Variants in CTIF observed in about 807,000 individuals in gnomAD.
CTIF encodes the protein CBP80/20-dependent translation initiation factor.
Under a neutral mutation model 66.0 loss-of-function variants are expected in CTIF, and 21 were observed. That is an observed-to-expected ratio of 0.32 (90% CI 0.23 to 0.46). The LOEUF (loss-of-function observed/expected upper bound fraction) is 0.46. Ranked by LOEUF, CTIF falls within the 20% of genes least tolerant of loss-of-function variation. The pLI is 1.00. For synonymous variants in CTIF, 345 were observed against 326.4 expected, an observed-to-expected ratio of 1.06 and a Z score of -0.62; for missense variants, 739 against 812.7, an observed-to-expected ratio of 0.91 and a Z score of 1.10.
intron 3 of CTIF, among the ~76,000 whole-genome samples, chr18:48,642,203 G>A (rs1404019914): frequency 6.6e-6 from 1 of 152,166 alleles, no homozygotes; most frequent in East Asian, 1.9e-4. Flanking sequence ...ATCACTGCCA[G>A]TTTGTAGGGT....
At chr18:48,812,448 T>C (rs150793628) in intron 9 of CTIF, among the ~76,000 whole-genome samples, 2 of 152,274 alleles carry the variant, frequency 1.3e-5, no homozygotes, top group East Asian at 3.9e-4. Context: ...TAACCTCAAA[T>C]AAAGAAGTAT....
chr18:48,794,476 G>T (rs946817155), intron 9 of CTIF, among the ~76,000 whole-genome samples: 1 of 152,192 alleles, frequency 6.6e-6, no homozygotes, highest in African/African-American at 2.4e-5. Context: ...TCTTGGGGCC[G>T]GGGGAGGGGT....
At chr18:48,612,959 G>C (rs1024980461) in intron 1 of CTIF, among the ~76,000 whole-genome samples, 1 of 152,280 alleles carries the variant, frequency 6.6e-6, no homozygotes, top group East Asian at 1.9e-4. Flanking sequence ...TGCTGGGGGT[G>C]GAGAGGAAAG....
chr18:48,670,091 T>C (rs1008158711), intron 5 of CTIF, among the ~76,000 whole-genome samples: 2 of 151,788 alleles, frequency 1.3e-5, no homozygotes, highest in African/African-American at 4.8e-5. Context: ...GAGTCTGGTT[T>C]CGGAATCTGC....
chr18:48,818,518 C>A (rs576752043), intron 10 of CTIF, among the ~76,000 whole-genome samples: 2 of 152,064 alleles, frequency 1.3e-5, no homozygotes, highest in African/African-American at 4.8e-5. Flanking sequence ...GGAGGTTGGC[C>A]GGGTGGAAGG....
chr18:48,658,916 G>A (rs1325045861), intron 3 of CTIF, among the ~76,000 whole-genome samples: 1 of 152,124 alleles, frequency 6.6e-6, no homozygotes, highest in East Asian at 1.9e-4. Flanking sequence ...TGGTTGTCCA[G>A]TTTAGCTTGG....
intron 1 of CTIF, among the ~76,000 whole-genome samples, chr18:48,562,745 A>G (rs1464025941): frequency 6.6e-6 from 1 of 152,202 alleles, no homozygotes; most frequent in Non-Finnish European, 1.5e-5. Context: ...ATCGAGCATG[A>G]TCATAATTAT....
intron 9 of CTIF, among the ~76,000 whole-genome samples, chr18:48,791,604 T>G (rs997385105): frequency 6.7e-6 from 1 of 149,716 alleles, no homozygotes; most frequent in African/African-American, 2.4e-5. Flanking sequence ...TGCCTGTGGC[T>G]TGCCCAGAGA....
intron 1 of CTIF, among the ~76,000 whole-genome samples, chr18:48,595,125 C>T (rs926252538): frequency 1.3e-5 from 2 of 152,192 alleles, no homozygotes; most frequent in African/African-American, 2.4e-5. Flanking sequence ...AGGAAATGGA[C>T]CCCCGAGCCT....
intron 10 of CTIF, among the ~76,000 whole-genome samples, chr18:48,840,551 G>A (rs1480754373): frequency 6.6e-6 from 1 of 152,172 alleles, no homozygotes; most frequent in Non-Finnish European, 1.5e-5. Context: ...TTATCTCCGA[G>A]TCTCTTAGAC....
intron 9 of CTIF, among the ~76,000 whole-genome samples, chr18:48,816,799 A>G (rs1156395177): frequency 6.6e-6 from 1 of 152,142 alleles, no homozygotes; most frequent in Non-Finnish European, 1.5e-5. Context: ...TGTTCTGGTT[A>G]CCCCCAGTCC....
chr18:48,648,144 C>A (rs1394289115), intron 3 of CTIF, among the ~76,000 whole-genome samples: 1 of 152,124 alleles, frequency 6.6e-6, no homozygotes, highest in Non-Finnish European at 1.5e-5. Context: ...TAAATCACAA[C>A]CTTAATTAGC....
At chr18:48,601,864 A>G (rs184445830) in intron 1 of CTIF, among the ~76,000 whole-genome samples, 1 of 152,374 alleles carries the variant, frequency 6.6e-6, no homozygotes, top group African/African-American at 2.4e-5. Flanking sequence ...AATCTCAGGA[A>G]GCAAGAATTT....
rs189947638 is a variant in CTIF at position 48,671,747 on chromosome 18, A to G, written c.507+1003A>G. ...ACTTTCCCTCAACCCTGGGGTTCCA[A>G]TTGTATGTATTCTATGCTTCTTCAT... On this transcript the variant is annotated intron_variant, in intron 6 of 11. Coordinates refer to ENST00000256413, the MANE Select transcript of CTIF (RefSeq NM_014772.3). 1.4e-3 allele frequency among the ~76,000 whole-genome samples: 210 copies of G among 151,338 alleles called. 1 individual carries two copies. The highest frequency in any genetic ancestry group is 4.5e-3 in the Admixed American group (69 of 15,168).
At chr18:48,571,105 T>C (rs1248459212) in intron 1 of CTIF, among the ~76,000 whole-genome samples, 1 of 152,246 alleles carries the variant, frequency 6.6e-6, no homozygotes, top group Non-Finnish European at 1.5e-5. Flanking sequence ...GTTTTCACCC[T>C]GTCCCCACCT....
intron 10 of CTIF, among the ~76,000 whole-genome samples, chr18:48,843,159 C>T (rs771908524): frequency 9.5e-5 from 14 of 146,904 alleles, no homozygotes; most frequent in Admixed American, 1.3e-4. Context: ...CTCTGTTGTG[C>T]AGAGTCAGAC....
At chr18:48,616,152 C>T (rs1361311633) in intron 1 of CTIF, among the ~76,000 whole-genome samples, 1 of 152,220 alleles carries the variant, frequency 6.6e-6, no homozygotes, top group Non-Finnish European at 1.5e-5. Flanking sequence ...CTGCAAAACC[C>T]GGTTCTCCGA....
In CTIF at chr18:48,636,626, T is replaced by A. The variant is rs148145576; in HGVS notation, c.193T>A (p.Cys65Ser). 1.1e-5 allele frequency: 18 copies of A among 1,587,298 alleles called. No homozygotes were observed. Among genetic ancestry groups the A allele is most frequent in the Non-Finnish European group, 1.5e-5 (17 of 1,169,402 alleles). The change falls in exon 3 of 12, where the codon TGC becomes AGC. Residue 65 changes from cysteine to serine, a missense_variant. Physicochemically the swap from Cys to Ser is moderately radical, Grantham distance 112. Transcript: ENST00000256413. The stretch of plus-strand genomic sequence containing the variant: ...TTCTGTTCTGCAGTGGACAGCGGAC[T>A]GCAGCGAACCGCTGGACAGCAGCTG... ...QSHISQWTAD[C>S]SEPLDSSCSF...
intron 1 of CTIF, among the ~76,000 whole-genome samples, chr18:48,617,949 A>G (rs572147491): frequency 6.6e-6 from 1 of 152,324 alleles, no homozygotes; most frequent in Non-Finnish European, 1.5e-5. Flanking sequence ...GGCCCCTTGC[A>G]GCGGCCAAAA....
Sources: gnomAD v4.1 joint callset for allele counts (sites outside exome capture counted in the v4.1 genomes callset) on GRCh38, gnomAD v4.1.1 for gene constraint, MANE v1.5 for transcripts, NCBI Gene and HGNC (gene_info 2026-07-23, HGNC 2026-07-21) for gene names.